The following STKLD1 variants were observed in gnomAD, a reference collection of about 807,000 sequenced individuals.
The protein encoded by STKLD1 is serine/threonine kinase-like domain-containing protein STKLD1.
In STKLD1, 79 loss-of-function variants were observed where a neutral mutation model predicts 80.4. The ratio of observed to expected loss-of-function variants is 0.98; its 90% CI spans 0.82 to 1.19. The LOEUF (loss-of-function observed/expected upper bound fraction) is 1.19, where lower values mean the gene tolerates loss of function less well. Among genes scored for constraint, STKLD1 ranks in the 50% most tolerant of loss-of-function variants. The pLI, the probability that STKLD1 is intolerant of heterozygous loss-of-function variation, is 0.00. For synonymous variants in STKLD1, 393 were observed against 357.6 expected (o/e 1.10, Z -1.12); for missense variants, 841 against 856.0 (o/e 0.98, Z 0.22).
In STKLD1 at chr9:133,395,682, A is replaced by G; in HGVS notation, c.785A>G (p.Lys262Arg). 1 of 1,613,490 alleles carries G rather than the reference A, an allele frequency of 6.2e-7. No individual in the cohort carries two copies. Among genetic ancestry groups the G allele is most frequent in the Non-Finnish European group, 8.5e-7 (1 of 1,180,034 alleles). Residue 262 changes from lysine to arginine, a missense_variant, in exon 9 of 18, where the codon AAG becomes AGG. Physicochemically the swap from Lys to Arg is conservative, Grantham distance 26. Transcript: ENST00000371957. ...GCCGTCCTGAAGACAATGGAGGAGAAGCAGATCCCGGATGTGGAAACCTTC... is the reference window on the plus strand; with the variant it reads ...GCCGTCCTGAAGACAATGGAGGAGAGGCAGATCCCGGATGTGGAAACCTTC... ...LKAVLKTMEE[K>R]QIPDVETFRN...
At chr9:133,403,517 T>C (rs587754032) in intron 14 of STKLD1, among the ~76,000 whole-genome samples, 183 bp from the exon 15 acceptor site, 110 of 152,230 alleles carry the variant, frequency 7.2e-4, no homozygotes, top group African/African-American at 2.6e-3. Context: ...GCACCCAAAG[T>C]GTGGGATTCT....
Position 133,389,051 on chromosome 9 carries a change from C to A in STKLD1, c.397-475C>A. 3.0e-6 allele frequency: 3 copies of A among 985,416 alleles called. No individual in the cohort carries two copies. The highest frequency in any genetic ancestry group is 3.6e-6 in the Non-Finnish European group (3 of 829,900). The allele number at this position is 985,416 out of a possible 1,614,324, so 61.0% of individuals were successfully genotyped here. Reference sequence around the variant, plus strand: ...CCCTAGGAGCCCAGCTTTAGAATCACCGCGCTGGGTACTCGATGGAGCTTG... The same window carrying A: ...CCCTAGGAGCCCAGCTTTAGAATCAACGCGCTGGGTACTCGATGGAGCTTG... On this transcript the variant is annotated intron_variant, in intron 5 of 17. Transcript: ENST00000371957. This position sits in a 1 kb window ranked among gnomAD's most constrained non-coding sequence, Gnocchi z 6.4.
In STKLD1 at chr9:133,405,232, C is replaced by T. The variant is rs1055885632; in HGVS notation, c.1874-20C>T. On this transcript the variant is annotated intron_variant, in intron 17 of 17. Coordinates refer to ENST00000371957, the MANE Select transcript of STKLD1 (RefSeq NM_153710.5). ...CACAGGAAGGACTCTGGCCTCAGGA[C>T]CTTCCTGCTCCACCTGCAGAGGAGA... The T allele has an allele frequency of 1.3e-6, 2 of 1,581,606 alleles. No individual in the cohort carries two copies. The highest frequency in any genetic ancestry group is 2.3e-5 in the East Asian group (1 of 44,440).
At chr9:133,386,107 C>A (rs1043423145) in intron 4 of STKLD1, among the ~76,000 whole-genome samples, 1 of 152,064 alleles carries the variant, frequency 6.6e-6, no homozygotes, top group Non-Finnish European at 1.5e-5. Flanking sequence ...TTAGTAGAGA[C>A]GGGGTTTCAC....
chr9:133,403,081 CT>C, intron 14 of STKLD1, 69 bp downstream of exon 14: 2 of 1,481,792 alleles, frequency 1.3e-6, no homozygotes, highest in Middle Eastern at 2.4e-4. Flanking sequence ...CTAACTGCCC[CT>C]GAGAGCCTTC....
At chr9:133,392,602 G>GAT (rs1243362975) in intron 7 of STKLD1, among the ~76,000 whole-genome samples, 16 of 86,578 alleles carry the variant, frequency 1.8e-4, no homozygotes, top group African/African-American at 5.7e-4. Context: ...TGGATGGATG[G>GAT]GTGGATGGAT....
chr9:133,393,648 G>A (rs910575438), intron 7 of STKLD1, among the ~76,000 whole-genome samples: 1 of 133,538 alleles, frequency 7.5e-6, no homozygotes, highest in African/African-American at 2.9e-5. Context: ...TGAGTGGATG[G>A]GTGGGTGGGT....
At position 133,379,081 on chromosome 9, in the gene STKLD1, G is replaced by A. The variant is rs139668393; in HGVS notation, c.133G>A (p.Val45Met). 1.2e-6 allele frequency: 2 copies of A among 1,614,048 alleles called. No homozygotes were observed. The highest frequency in any genetic ancestry group is 1.7e-6 in the Non-Finnish European group (2 of 1,179,944). The change falls in exon 2 of 18, where the codon GTG becomes ATG. Residue 45 changes from valine to methionine, a missense_variant. Transcript: ENST00000371957. ...TGGGGCCTTGGGGGTGAACCTGGTG[G>A]TGGAGGAAATGGAAACCAAAGTCAA... ...NPGALGVNLV[V>M]EEMETKVKHV... is the part of the protein sequence containing the mutation.
intron 9 of STKLD1, 192 bp downstream of exon 9, chr9:133,395,955 A>C: frequency 3.4e-6 from 2 of 586,884 alleles, no homozygotes; most frequent in Admixed American, 6.1e-5. Flanking sequence ...AGTAATCCCG[A>C]ATGTACGGTG....
At position 133,376,376 on chromosome 9, in the gene STKLD1, A is replaced by T. The variant is rs982715117; in HGVS notation, c.-98A>T. On this transcript the variant is annotated 5_prime_UTR_variant, in exon 1 of 18. Transcript: ENST00000371957. ...GCGGGAGGGACGCCTGAGTGCCTCG[A>T]GGGCGCCGTTCGGGCGGGGAGGATC... 1 of 1,413,234 alleles carries T rather than the reference A, an allele frequency of 7.1e-7. No individual in the cohort carries two copies. The highest frequency in any genetic ancestry group is 9.3e-7 in the Non-Finnish European group (1 of 1,075,020). 87.5% of individuals were successfully genotyped at this position (1,413,234 alleles called of 1,614,324 possible).
At chr9:133,403,475 C>T (rs939999202) in intron 14 of STKLD1, among the ~76,000 whole-genome samples, 1 of 152,210 alleles carries the variant, frequency 6.6e-6, no homozygotes, top group African/African-American at 2.4e-5. Context: ...CTCCAAACCA[C>T]GGAAAGCCCG....
rs111789373 is a variant in STKLD1, at chr9:133,380,019, C to T, written c.174+897C>T. On this transcript the variant is annotated intron_variant, in intron 2 of 17. Coordinates refer to ENST00000371957, the MANE Select transcript of STKLD1 (RefSeq NM_153710.5). ...CCACTGGGGCAGTGTGGCTGACTGC[C>T]CTCTGAGCAGTTAAGGAGCTTTTTT... Among the ~76,000 whole-genome samples, 395 of 152,248 alleles carry T rather than the reference C, an allele frequency of 2.6e-3. 3 individuals are homozygous for T. The highest frequency in any genetic ancestry group is 4.4e-3 in the Non-Finnish European group (299 of 68,006).
At chr9:133,402,403 C>T (rs1182854898) in intron 13 of STKLD1, among the ~76,000 whole-genome samples, 2 of 152,182 alleles carry the variant, frequency 1.3e-5, no homozygotes, top group African/African-American at 4.8e-5. Context: ...GGGGTCTGGG[C>T]CCCAGCACCC....
At chr9:133,381,546 G>C (rs1210723279) in intron 2 of STKLD1, among the ~76,000 whole-genome samples, 1 of 149,866 alleles carries the variant, frequency 6.7e-6, no homozygotes. Context: ...CTTCTCCCAG[G>C]TTCAAGTGAT....
At chr9:133,397,364 T>C (rs1838589224) in intron 10 of STKLD1, 70 bp downstream of exon 10, 1 of 1,593,672 alleles carries the variant, frequency 6.3e-7, no homozygotes, top group Non-Finnish European at 8.5e-7. Flanking sequence ...TCCTATTGTT[T>C]AGTTCCAGAG....
At chr9:133,381,012 T>A (rs2130264733) in intron 2 of STKLD1, among the ~76,000 whole-genome samples, 135 of 152,294 alleles carry the variant, frequency 8.9e-4, no homozygotes, top group Admixed American at 3.0e-3. Context: ...CTGATAAAGA[T>A]GCTTATGGCA....
rs587726326 is a variant in STKLD1, at chr9:133,389,911, A to G, written c.467+315A>G. Among the ~76,000 whole-genome samples, 2 of 152,224 alleles carry G rather than the reference A, an allele frequency of 1.3e-5. No homozygotes were observed. Among genetic ancestry groups the G allele is most frequent in the African/African-American group, 4.8e-5 (2 of 41,466 alleles). ...AGACCGGGTTGCCTGCCGTGGGGCC[A>G]GTGTGGGCTGAGTGGGCCCTGCTGA... On this transcript the variant is annotated intron_variant, in intron 6 of 17. Transcript: ENST00000371957. This position sits in a 1 kb window ranked among gnomAD's most constrained non-coding sequence, Gnocchi z 6.4.
At chr9:133,381,252 C>T (rs2130265652) in intron 2 of STKLD1, among the ~76,000 whole-genome samples, 1 of 148,504 alleles carries the variant, frequency 6.7e-6, no homozygotes, top group East Asian at 2.0e-4. Context: ...GATTTTCCTG[C>T]CTCAGCCTTC....
chr9:133,391,967 G>A (rs114297447), intron 7 of STKLD1, among the ~76,000 whole-genome samples: 250 of 152,132 alleles, frequency 1.6e-3, no homozygotes, highest in African/African-American at 4.2e-3. Context: ...AAGGGGAGAC[G>A]AGTTCTCGTT....
Sources: gnomAD v4.1 joint callset for allele counts (sites outside exome capture counted in the v4.1 genomes callset) on GRCh38, gnomAD v4.1.1 for gene constraint, Gnocchi (gnomAD v3.1) non-coding constraint, MANE v1.5 for transcripts, NCBI Gene and HGNC (gene_info 2026-07-23, HGNC 2026-07-21) for gene names.